The following USP6NL variants were observed in gnomAD, a reference collection of about 807,000 sequenced individuals.
USP6NL encodes the protein USP6 N-terminal-like protein.
USP6NL carries 26 observed loss-of-function variants against 61.9 expected under a neutral mutation model. The observed-to-expected ratio is 0.42, with a 90% CI of 0.31 to 0.58. The LOEUF (loss-of-function observed/expected upper bound fraction) is 0.58, where lower values mean the gene tolerates loss of function less well. Among genes scored for constraint, USP6NL ranks in the 20% least tolerant of loss-of-function variants. USP6NL has a pLI of 0.16. For synonymous variants in USP6NL, 432 were observed against 390.1 expected (o/e 1.11, Z -1.27); for missense variants, 1,114 against 1,034.3 (o/e 1.08, Z -1.06).
chr10:11,539,706 G>A (rs1835975094), intron 2 of USP6NL, among the ~76,000 whole-genome samples: 2 of 152,204 alleles, frequency 1.3e-5, no homozygotes, highest in Admixed American at 1.3e-4. Flanking sequence ...TATTTTAGCT[G>A]CTTTTGCAGC....
intron 14 of USP6NL, among the ~76,000 whole-genome samples, chr10:11,471,380 G>A (rs955220053): frequency 2.6e-5 from 4 of 152,128 alleles, no homozygotes; most frequent in Admixed American, 2.0e-4. Flanking sequence ...TGTTGGTGGG[G>A]CTGTAAACTA....
chr10:11,491,995 T>C lies in USP6NL; in HGVS notation c.495-1115A>G, dbSNP rs1833725811. On this transcript the variant is annotated intron_variant, in intron 8 of 14. Transcript: ENST00000609104. The surrounding 1 kb of genome is among the most constrained non-coding windows in gnomAD (Gnocchi z 4.7). ...TGCTTGTATATATACCAACAAATAT[T>C]TTCTTCTTCCCTCTCTTTTACCTTA... Among the ~76,000 whole-genome samples the C allele has an allele frequency of 6.6e-6, 1 of 152,208 alleles. No individual in the cohort carries two copies. The highest frequency in any genetic ancestry group is 1.5e-5 in the Non-Finnish European group (1 of 68,040).
rs142182791 is a variant in USP6NL at position 11,544,735 on chromosome 10, C to T, written c.5-17168G>A. On this transcript the variant is annotated intron_variant, in intron 2 of 14. Transcript: ENST00000609104. The stretch of plus-strand genomic sequence containing the variant: ...AACTCCTTACCTCACGTGATCCACC[C>T]GCCTCGGCCTCCCAAAGTGCTGGGA... Among the ~76,000 whole-genome samples, 516 of 151,844 alleles carry T rather than the reference C, an allele frequency of 3.4e-3. 1 individual carries two copies. The highest frequency in any genetic ancestry group is 0.012 in the African/African-American group (501 of 41,404).
intron 1 of USP6NL, among the ~76,000 whole-genome samples, chr10:11,606,795 CTTTT>C (rs1027919067): frequency 7.1e-6 from 1 of 141,658 alleles, no homozygotes; most frequent in Admixed American, 7.0e-5. Flanking sequence ...GAAATTTTTT[CTTTT>C]TTTTTTTTTT....
chr10:11,591,077 TG>T lies in USP6NL; in HGVS notation c.4+6553del, dbSNP rs1389356071. 6.6e-6 allele frequency among the ~76,000 whole-genome samples: 1 copy of T among 152,028 alleles called. No homozygotes were observed. Among genetic ancestry groups the T allele is most frequent in the African/African-American group, 2.4e-5 (1 of 41,382 alleles). On this transcript the variant is annotated intron_variant, in intron 2 of 14. Transcript: ENST00000609104. The surrounding 1 kb of genome is among the most constrained non-coding windows in gnomAD (Gnocchi z 4.7). ...CATTTACGAATGAGTAAAGGATGTG[TG>T]GGGAGGGGGTTAAAGAAGTCAAGCC...
chr10:11,517,574 A>T (rs1185260531), intron 5 of USP6NL, among the ~76,000 whole-genome samples: 1 of 152,202 alleles, frequency 6.6e-6, no homozygotes, highest in Non-Finnish European at 1.5e-5. Context: ...AAAGGTATTC[A>T]TTTGCTGAAA....
rs141159501 is a variant in USP6NL, at chr10:11,539,959, G to T, written c.5-12392C>A. ...AATTCAGGCCATATGGGAAGTAAGA[G>T]ACAGGGCAGGACTTAAAAGCCAGGC... is the stretch of plus-strand genomic sequence containing the variant. On this transcript the variant is annotated intron_variant, in intron 2 of 14. Coordinates refer to ENST00000609104, the MANE Select transcript of USP6NL (RefSeq NM_014688.5). Among the ~76,000 whole-genome samples, 377 of 152,354 alleles carry T rather than the reference G, an allele frequency of 2.5e-3. 2 individuals are homozygous for T. The highest frequency in any genetic ancestry group is 8.3e-3 in the African/African-American group (345 of 41,584).
intron 2 of USP6NL, among the ~76,000 whole-genome samples, chr10:11,555,370 G>A (rs1311447797): frequency 8.2e-5 from 11 of 133,600 alleles, no homozygotes; most frequent in African/African-American, 2.8e-4. Flanking sequence ...AGCTGAGATC[G>A]CACCATTGCA....
At chr10:11,509,703 T>C (rs1191722034) in intron 5 of USP6NL, 28 bp from the exon 6 acceptor site, 7 of 1,516,138 alleles carry the variant, frequency 4.6e-6, no homozygotes, top group Non-Finnish European at 5.4e-6. Context: ...TTCATTGTTA[T>C]TGTTGTTCGT....
rs527359918 is a variant in USP6NL, at chr10:11,585,272, T to A, written c.4+12359A>T. 6.6e-6 allele frequency among the ~76,000 whole-genome samples: 1 copy of A among 152,034 alleles called. No homozygotes were observed. The highest frequency in any genetic ancestry group is 2.4e-5 in the African/African-American group (1 of 41,382). ...GCAATGTAAGCCGGTGCAACCACTA[T>A]GGAAAACAGTATGGCAGTTCCTTGC... On this transcript the variant is annotated intron_variant, in intron 2 of 14. Transcript: ENST00000609104. This position sits in a 1 kb window ranked among gnomAD's most constrained non-coding sequence, Gnocchi z 4.5.
intron 2 of USP6NL, among the ~76,000 whole-genome samples, chr10:11,533,132 A>C (rs1241502972): frequency 6.6e-6 from 1 of 152,234 alleles, no homozygotes; most frequent in Non-Finnish European, 1.5e-5. Context: ...GTAACATTCA[A>C]CTAAAGCAAA....
intron 2 of USP6NL, chr10:11,573,883 G>A: frequency 2.6e-6 from 1 of 380,590 alleles, no homozygotes; most frequent in Non-Finnish European, 4.7e-6. Context: ...TTCTTGAAAT[G>A]ATGGATTCAA....
rs1006511160 is a variant in USP6NL at position 11,537,523 on chromosome 10, A to G, written c.5-9956T>C. Among the ~76,000 whole-genome samples, 1 of 152,244 alleles carries G rather than the reference A, an allele frequency of 6.6e-6. No individual in the cohort carries two copies. The highest frequency in any genetic ancestry group is 1.5e-5 in the Non-Finnish European group (1 of 68,038). Reference sequence around the variant, plus strand: ...CATTATCAGCACAAATATGATTTATACCTTCCCATTCAAAATATTTCTCGT... The same window carrying G: ...CATTATCAGCACAAATATGATTTATGCCTTCCCATTCAAAATATTTCTCGT... On this transcript the variant is annotated intron_variant, in intron 2 of 14. Transcript: ENST00000609104. The surrounding 1 kb of genome is among the most constrained non-coding windows in gnomAD (Gnocchi z 5.1).
In USP6NL at chr10:11,595,960, G is replaced by C. The variant is rs1323840382; in HGVS notation, c.4+1671C>G. 1.3e-5 allele frequency among the ~76,000 whole-genome samples: 2 copies of C among 152,154 alleles called. No individual in the cohort carries two copies. The highest frequency in any genetic ancestry group is 4.8e-5 in the African/African-American group (2 of 41,430). On this transcript the variant is annotated intron_variant, in intron 2 of 14. Coordinates refer to ENST00000609104, the MANE Select transcript of USP6NL (RefSeq NM_014688.5). This position sits in a 1 kb window ranked among gnomAD's most constrained non-coding sequence, Gnocchi z 5.3. ...AATTTAAAGGTGAAAAATGTTATGTGGTTCAAACACTATTAGTTGCTTGGC... is the reference window on the plus strand; with the variant it reads ...AATTTAAAGGTGAAAAATGTTATGTCGTTCAAACACTATTAGTTGCTTGGC...
At chr10:11,559,522 C>T (rs556220820) in intron 2 of USP6NL, among the ~76,000 whole-genome samples, 9 of 152,186 alleles carry the variant, frequency 5.9e-5, no homozygotes, top group Admixed American at 4.6e-4. Flanking sequence ...TATACAGTCT[C>T]GTTTCGACCT....
intron 2 of USP6NL, among the ~76,000 whole-genome samples, chr10:11,556,458 C>A (rs1213931925): frequency 1.3e-5 from 2 of 152,036 alleles, no homozygotes; most frequent in Admixed American, 1.3e-4. Context: ...ACAGACTAAA[C>A]ACACCATGTA....
Position 11,491,682 on chromosome 10 carries a change from G to A in USP6NL, c.495-802C>T, listed in dbSNP as rs1181553849. Among the ~76,000 whole-genome samples, 1 of 152,190 alleles carries A rather than the reference G, an allele frequency of 6.6e-6. No homozygotes were observed. The highest frequency in any genetic ancestry group is 1.5e-5 in the Non-Finnish European group (1 of 68,032). On this transcript the variant is annotated intron_variant, in intron 8 of 14. Coordinates refer to ENST00000609104, the MANE Select transcript of USP6NL (RefSeq NM_014688.5). This position sits in a 1 kb window ranked among gnomAD's most constrained non-coding sequence, Gnocchi z 4.7. ...AAGGAGGAGTACATCTGGAATGCAG[G>A]AGAACACTTGGGGCATCTCTTACTA...
intron 5 of USP6NL, among the ~76,000 whole-genome samples, chr10:11,512,041 C>T (rs12217577): frequency 0.21 from 31,165 of 152,022 alleles, 3,784 homozygotes; most frequent in East Asian, 0.51. Context: ...CTAACTATTC[C>T]AGCAACTGTT....
chr10:11,578,859 C>T (rs1471770656), intron 2 of USP6NL, among the ~76,000 whole-genome samples: 1 of 152,242 alleles, frequency 6.6e-6, no homozygotes, highest in East Asian at 1.9e-4. Flanking sequence ...TTACTAGGTA[C>T]TTGCTAGGTA....
Sources: gnomAD v4.1 joint callset for allele counts (sites outside exome capture counted in the v4.1 genomes callset) on GRCh38, gnomAD v4.1.1 for gene constraint, Gnocchi (gnomAD v3.1) non-coding constraint, MANE v1.5 for transcripts, NCBI Gene and HGNC (gene_info 2026-07-23, HGNC 2026-07-21) for gene names.